The following GMEB1 variants were observed in gnomAD, a reference collection of about 807,000 sequenced individuals.
GMEB1 encodes the protein glucocorticoid modulatory element-binding protein 1.
Under a neutral mutation model 52.4 loss-of-function variants are expected in GMEB1, and 6 were observed. That is an observed-to-expected ratio of 0.11 (90% confidence interval 0.06 to 0.23). The LOEUF is 0.23. Ranked by LOEUF, GMEB1 falls within the 10% of genes least tolerant of loss-of-function variation. The pLI is 1.00. For synonymous variants in GMEB1, 255 were observed against 244.9 expected, an observed-to-expected ratio of 1.04 and a Z score of -0.38; for missense variants, 486 against 685.6, an observed-to-expected ratio of 0.71 and a Z score of 3.25.
intron 8 of GMEB1, among the ~76,000 whole-genome samples, chr1:28,708,567 TC>T (rs1486711144): frequency 1.3e-5 from 2 of 152,058 alleles, no homozygotes; most frequent in African/African-American, 2.4e-5. Flanking sequence ...GTTCAAGCAA[TC>T]CTCCTGCTTC....
rs370728810 is a variant in GMEB1 at position 28,690,161 on chromosome 1, G to A, written c.186G>A (p.Thr62=). ...NTAVVAVETH[T]IHKIEEGIDT... ...CAGTTGTAGCAGTAGAAACTCACAC[G>A]ATACACAAAATTGAAGAAGGGATTG... The change falls in exon 3 of 10, where the codon ACG becomes ACA. Residue 62 remains threonine, a synonymous_variant. Coordinates refer to ENST00000373816, the MANE Select transcript of GMEB1 (RefSeq NM_001319674.2). 5.6e-5 allele frequency: 85 copies of A among 1,520,570 alleles called. No individual in the cohort carries two copies. Among genetic ancestry groups the A allele is most frequent in the Non-Finnish European group, 7.3e-5 (81 of 1,107,598 alleles). 94.2% of individuals were successfully genotyped at this position (1,520,570 alleles called of 1,614,324 possible). A position where few individuals can be genotyped will look rare whatever the true frequency, so the allele number is the denominator to read the frequency against.
intron 1 of GMEB1, among the ~76,000 whole-genome samples, chr1:28,679,329 C>A (rs1052852150): frequency 1.3e-5 from 2 of 152,078 alleles, no homozygotes; most frequent in Non-Finnish European, 2.9e-5. Context: ...AGGCGCCCAC[C>A]AACACACTTT....
At chr1:28,684,738 G>C (rs189582774) in intron 2 of GMEB1, among the ~76,000 whole-genome samples, 1 of 152,124 alleles carries the variant, frequency 6.6e-6, no homozygotes, top group South Asian at 2.1e-4. Flanking sequence ...GGGGCCTGTT[G>C]GGGGGTGAGG....
intron 1 of GMEB1, among the ~76,000 whole-genome samples, chr1:28,671,226 C>T (rs1338884021): frequency 1.3e-5 from 2 of 152,062 alleles, no homozygotes; most frequent in Non-Finnish European, 2.9e-5. Flanking sequence ...TGGATTTTTC[C>T]CCCCGTTTTA....
chr1:28,675,901 C>A (rs1033759410), intron 1 of GMEB1, among the ~76,000 whole-genome samples: 1 of 152,054 alleles, frequency 6.6e-6, no homozygotes, highest in African/African-American at 2.4e-5. Context: ...AGGTTACCTG[C>A]AAGGAATATG....
At chr1:28,712,271 ACTCT>A (rs971629285) in intron 9 of GMEB1, among the ~76,000 whole-genome samples, 6 of 152,034 alleles carry the variant, frequency 3.9e-5, no homozygotes, top group African/African-American at 1.4e-4. Context: ...TAGTCACGCC[ACTCT>A]CAGGAACCTC....
chr1:28,714,711 G>A lies in GMEB1; in HGVS notation c.1630G>A (p.Ala544Thr), dbSNP rs1671212280. 1 of 1,614,156 alleles carries A rather than the reference G, an allele frequency of 6.2e-7. No individual in the cohort carries two copies. ...TELRTEEKVV[A>T]EMEEHQHQVH... ...GCTGAGGACTGAGGAGAAAGTTGTGGCTGAGATGGAAGAACACCAGCATCA... is the reference window on the plus strand; with the variant it reads ...GCTGAGGACTGAGGAGAAAGTTGTGACTGAGATGGAAGAACACCAGCATCA... The change falls in exon 10 of 10, where the codon GCT becomes ACT. Residue 544 changes from alanine to threonine, a missense_variant. Physicochemically the swap from Ala to Thr is moderately conservative, Grantham distance 58. Transcript: ENST00000373816.
intron 1 of GMEB1, among the ~76,000 whole-genome samples, chr1:28,671,116 A>T (rs1052803673): frequency 1.3e-5 from 2 of 152,144 alleles, no homozygotes; most frequent in Admixed American, 1.3e-4. Context: ...TGTTGACCTC[A>T]TTACATCTTG....
chr1:28,708,976 C>CA (rs1014660623), intron 8 of GMEB1, among the ~76,000 whole-genome samples: 3 of 151,258 alleles, frequency 2.0e-5, no homozygotes, highest in South Asian at 2.1e-4. Context: ...CTAAAAAATG[C>CA]AAAAAAAATT....
intron 1 of GMEB1, among the ~76,000 whole-genome samples, chr1:28,678,391 A>G (rs1478793192): frequency 6.6e-6 from 1 of 151,756 alleles, no homozygotes; most frequent in Non-Finnish European, 1.5e-5. Flanking sequence ...GGCTCACTGC[A>G]AGCTCCGCCT....
At position 28,716,836 on chromosome 1, in the gene GMEB1, C is replaced by A. The variant is rs143101384; in HGVS notation, c.*2063C>A. 1 of 151,694 alleles carries A rather than the reference C, an allele frequency of 6.6e-6. No homozygotes were observed. Among genetic ancestry groups the A allele is most frequent in the Non-Finnish European group, 1.5e-5 (1 of 67,942 alleles). 9.4% of individuals were successfully genotyped at this position (151,694 alleles called of 1,614,324 possible). A position where few individuals can be genotyped will look rare whatever the true frequency, so the allele number is the denominator to read the frequency against. ...CGTGCTGCGATTTCTTCTCTTTGAC[C>A]CTCTTCAGTGTTTGGGGCAAGAGTG... is the stretch of plus-strand genomic sequence containing the variant. On this transcript the variant is annotated 3_prime_UTR_variant, in exon 10 of 10. Transcript: ENST00000373816.
chr1:28,701,605 G>T (rs943904446), intron 6 of GMEB1, among the ~76,000 whole-genome samples: 21 of 151,506 alleles, frequency 1.4e-4, no homozygotes, highest in Non-Finnish European at 2.2e-4. Context: ...GTCTTAGTCT[G>T]TCACCCAGGC....
chr1:28,687,375 C>CAA lies in GMEB1; in HGVS notation c.129-2728_129-2727insAA, dbSNP rs1442461404. Among the ~76,000 whole-genome samples, 12 of 19,190 alleles carry CAA rather than the reference C, an allele frequency of 6.3e-4. 1 individual carries two copies. The highest frequency in any genetic ancestry group is 7.9e-4 in the Non-Finnish European group (8 of 10,136). The allele number at this position is 19,190 out of a possible 152,430, so 12.6% of individuals were successfully genotyped here. A position where few individuals can be genotyped will look rare whatever the true frequency, so the allele number is the denominator to read the frequency against. On this transcript the variant is annotated intron_variant, in intron 2 of 9. Coordinates refer to ENST00000373816, the MANE Select transcript of GMEB1 (RefSeq NM_001319674.2). ...ACACACACACACACACACACACACACACACACACACACAAAAAAAGACAGT... is the reference window on the plus strand; with the variant it reads ...ACACACACACACACACACACACACACAAACACACACACACAAAAAAAGACAGT...
chr1:28,688,647 G>T (rs1369955183), intron 2 of GMEB1, among the ~76,000 whole-genome samples: 2 of 151,860 alleles, frequency 1.3e-5, no homozygotes, highest in African/African-American at 4.8e-5. Flanking sequence ...GGCTTTGCTC[G>T]TGTCAATAGT....
chr1:28,681,910 G>A (rs1265414860), intron 1 of GMEB1, among the ~76,000 whole-genome samples: 4 of 151,926 alleles, frequency 2.6e-5, no homozygotes, highest in South Asian at 4.2e-4. Flanking sequence ...CTCCAGGTTG[G>A]TCAGGCTGGT....
At chr1:28,693,098 C>T in intron 5 of GMEB1, 53 bp downstream of exon 5, 3 of 854,990 alleles carry the variant, frequency 3.5e-6, no homozygotes, top group Non-Finnish European at 5.5e-6. Flanking sequence ...GGCACATAAT[C>T]ATGCTAGAAT....
chr1:28,682,165 T>C (rs1266942361), intron 1 of GMEB1, among the ~76,000 whole-genome samples: 1 of 152,174 alleles, frequency 6.6e-6, no homozygotes, highest in East Asian at 1.9e-4. Context: ...GACTAATAAC[T>C]GCAGAATATC....
chr1:28,672,615 G>C (rs1399878955), intron 1 of GMEB1, among the ~76,000 whole-genome samples: 2 of 151,864 alleles, frequency 1.3e-5, no homozygotes, highest in Admixed American at 6.6e-5. Flanking sequence ...ACAACGTGCA[G>C]GTTTGTTACA....
upstream of GMEB1, among the ~76,000 whole-genome samples, chr1:28,668,252 CA>C (rs1322250339): frequency 6.6e-6 from 1 of 151,236 alleles, no homozygotes; most frequent in East Asian, 2.0e-4. Flanking sequence ...GCAGGGGAGT[CA>C]AGACTTCAAC....
Sources: allele counts gnomAD v4.1 joint callset (sites outside exome capture counted in the v4.1 genomes callset), GRCh38; gene constraint gnomAD v4.1.1; transcripts MANE v1.5; gene names NCBI Gene and HGNC (gene_info 2026-07-23, HGNC 2026-07-21).